The following KMT2A variants were observed in gnomAD, a reference collection of about 807,000 sequenced individuals.
The protein encoded by KMT2A is lysine methyltransferase 2A.
Under a neutral mutation model 345.3 loss-of-function variants are expected in KMT2A, and 16 were observed. The ratio of observed to expected loss-of-function variants is 0.05; its 90% CI spans 0.03 to 0.07. The LOEUF (loss-of-function observed/expected upper bound fraction) is 0.07. KMT2A is among the 10% of genes least tolerant of loss of function. The probability of loss-of-function intolerance (pLI) is 1.00; values close to 1 mark genes in which losing one functional copy is unlikely to be tolerated. For synonymous variants in KMT2A, 1,599 were observed against 1,778.6 expected, an observed-to-expected ratio of 0.90 and a Z score of 2.54; for missense variants, 3,272 against 4,841.6, an observed-to-expected ratio of 0.68 and a Z score of 9.62.
In KMT2A at chr11:118,525,295, G is replaced by A; in HGVS notation, c.*3123G>A. 1 of 228,806 alleles carries A rather than the reference G, an allele frequency of 4.4e-6. No individual in the cohort carries two copies. 14.2% of individuals were successfully genotyped at this position (228,806 alleles called of 1,614,324 possible). ...CTCAGTGAGAGCCAGCTCACTTATA[G>A]CTTTGCTGCTAGAACCTGTTGTGGC... On this transcript the variant is annotated 3_prime_UTR_variant, in exon 36 of 36. Coordinates refer to ENST00000534358, the MANE Select transcript of KMT2A (RefSeq NM_001197104.2).
intron 31 of KMT2A, among the ~76,000 whole-genome samples, chr11:118,518,920 AC>A (rs1181892870): frequency 3.3e-5 from 5 of 151,294 alleles, no homozygotes; most frequent in Non-Finnish European, 4.4e-5. Context: ...TACTAAAAAT[AC>A]GAAAAAAATT....
intron 1 of KMT2A, among the ~76,000 whole-genome samples, chr11:118,443,880 C>T (rs1424567344): frequency 6.6e-6 from 1 of 152,110 alleles, no homozygotes; most frequent in Non-Finnish European, 1.5e-5. Context: ...TATCCATTTT[C>T]TTGCATTTCT....
intron 1 of KMT2A, among the ~76,000 whole-genome samples, chr11:118,454,097 C>G (rs782592821): frequency 6.6e-6 from 1 of 152,194 alleles, no homozygotes; most frequent in Non-Finnish European, 1.5e-5. Flanking sequence ...CTCAGACTCT[C>G]CCATTATAGT....
intron 5 of KMT2A, 148 bp downstream of exon 5, chr11:118,478,349 G>T: frequency 1.6e-6 from 1 of 635,088 alleles, no homozygotes; most frequent in Non-Finnish European, 2.7e-6. Flanking sequence ...TGTGGTGTGG[G>T]CTGTGCTTAA....
chr11:118,496,241 G>A lies in KMT2A; in HGVS notation c.5558-20G>A. 2 of 1,535,702 alleles carry A rather than the reference G, an allele frequency of 1.3e-6. No homozygotes were observed. Among genetic ancestry groups the A allele is most frequent in the East Asian group, 2.2e-5 (1 of 44,450 alleles). On this transcript the variant is annotated intron_variant, in intron 19 of 35. Coordinates refer to ENST00000534358, the MANE Select transcript of KMT2A (RefSeq NM_001197104.2). The surrounding 1 kb of genome is among the most constrained non-coding windows in gnomAD (Gnocchi z 4.7). The stretch of plus-strand genomic sequence containing the variant: ...TTAACTGGATCTCAAGGTATTGATG[G>A]GAGTCTTTTGGATTTCAAGGTACTG...
intron 1 of KMT2A, among the ~76,000 whole-genome samples, chr11:118,442,451 T>C (rs1555026091): frequency 6.6e-6 from 1 of 152,246 alleles, no homozygotes; most frequent in East Asian, 1.9e-4. Context: ...TTACAAAGTA[T>C]TTCCTTGGAT....
intron 1 of KMT2A, among the ~76,000 whole-genome samples, chr11:118,444,350 T>G (rs1949374389): frequency 6.6e-6 from 1 of 152,238 alleles, no homozygotes; most frequent in South Asian, 2.1e-4. Context: ...AACATCTCTT[T>G]AAGCTTAGCT....
In KMT2A at chr11:118,501,789, C is replaced by G; in HGVS notation, c.6437C>G (p.Pro2146Arg). The change falls in exon 26 of 36, where the codon CCC (proline) becomes CGC (arginine). Residue 2146 changes from proline (P) to arginine (R), a missense_variant. Transcript: ENST00000534358. ...SCYYHVISKV[P>R]RIRTPSYSPT... ...TATTATCATGTCATCTCAAAGGTCC[C>G]CAGGATTCGAACACCCAGTTATTCT... 1 of 1,614,108 alleles carries G rather than the reference C, an allele frequency of 6.2e-7. No individual in the cohort carries two copies. The highest frequency in any genetic ancestry group is 8.5e-7 in the Non-Finnish European group (1 of 1,180,006).
Position 118,482,429 on chromosome 11 carries a change from G to A in KMT2A, c.4020G>A (p.Glu1340=). 9.9e-6 allele frequency: 16 copies of A among 1,612,656 alleles called. No homozygotes were observed. Among genetic ancestry groups the A allele is most frequent in the Non-Finnish European group, 1.3e-5 (15 of 1,179,362 alleles). The stretch of plus-strand genomic sequence containing the variant: ...TTATTCTGAATTTTTTAGGTCCAGA[G>A]CAGAGCAAACAGAAAAAAGTGGCTC... ...KQPPPPESGP[E]QSKQKKVAPR... is the part of the protein sequence containing the mutation. Residue 1340 remains glutamate (E), a synonymous_variant, in exon 8 of 36, where the codon GAG becomes GAA. Coordinates refer to ENST00000534358, the MANE Select transcript of KMT2A (RefSeq NM_001197104.2).
At chr11:118,458,440 A>G (rs922598830) in intron 1 of KMT2A, among the ~76,000 whole-genome samples, 8 of 152,178 alleles carry the variant, frequency 5.3e-5, no homozygotes, top group Admixed American at 2.0e-4. Context: ...GAAGTCCCTC[A>G]GTATTTTCTA....
chr11:118,473,764 G>C lies in KMT2A; in HGVS notation c.2605G>C (p.Glu869Gln), dbSNP rs1555036645. The change falls in exon 3 of 36, where the codon GAG becomes CAG. Residue 869 changes from glutamate to glutamine, a missense_variant. Physicochemically the swap from Glu to Gln is conservative, Grantham distance 29. Transcript: ENST00000534358. This position sits in a 1 kb window ranked among gnomAD's most constrained non-coding sequence, Gnocchi z 5.2. ...AGATCGAGATGCTGACAAGAGCGTG[G>C]AGAAGGACAAGAGTAGAGAGAGAGA... ...SKDRDADKSV[E>Q]KDKSRERDRE... 1.2e-6 allele frequency: 2 copies of C among 1,613,994 alleles called. No homozygotes were observed. The highest frequency in any genetic ancestry group is 1.7e-6 in the Non-Finnish European group (2 of 1,179,922).
rs1006276254 is a variant in KMT2A, at chr11:118,496,721, T to C, written c.5664+354T>C. Among the ~76,000 whole-genome samples the C allele has an allele frequency of 5.9e-5, 9 of 152,240 alleles. No individual in the cohort carries two copies. The highest frequency in any genetic ancestry group is 8.8e-5 in the Non-Finnish European group (6 of 68,040). On this transcript the variant is annotated intron_variant, in intron 20 of 35. Coordinates refer to ENST00000534358, the MANE Select transcript of KMT2A (RefSeq NM_001197104.2). The surrounding 1 kb of genome is among the most constrained non-coding windows in gnomAD (Gnocchi z 4.7). ...CATATTAAAAAGCTTGTGTTTCATA[T>C]AGGATAGCAGAATCGTTAAGAGCCC... is the stretch of plus-strand genomic sequence containing the variant.
At chr11:118,452,041 T>C (rs1015215587) in intron 1 of KMT2A, among the ~76,000 whole-genome samples, 1 of 152,128 alleles carries the variant, frequency 6.6e-6, no homozygotes, top group Non-Finnish European at 1.5e-5. Context: ...TGCTTTTTGT[T>C]TTTTTAAGAG....
chr11:118,473,029 C>G lies in KMT2A; in HGVS notation c.1870C>G (p.His624Asp). The G allele has an allele frequency of 6.2e-7, 1 of 1,614,198 alleles. No homozygotes were observed. Among genetic ancestry groups the G allele is most frequent in the South Asian group, 1.1e-5 (1 of 91,086 alleles). The change falls in exon 3 of 36, where the codon CAT (histidine) becomes GAT (aspartate). Residue 624 changes from histidine to aspartate, a missense_variant. By Grantham distance (81) the His-to-Asp change is moderately conservative. Coordinates refer to ENST00000534358, the MANE Select transcript of KMT2A (RefSeq NM_001197104.2). The surrounding 1 kb of genome is among the most constrained non-coding windows in gnomAD (Gnocchi z 5.2). ...EPTFRWTSLK[H>D]SRSEPQYFSS... ...GACATTTAGGTGGACTTCTTTAAAGCATTCTAGGTCAGAGCCACAATACTT... is the reference window on the plus strand; with the variant it reads ...GACATTTAGGTGGACTTCTTTAAAGGATTCTAGGTCAGAGCCACAATACTT...
At chr11:118,458,804 T>A (rs1949693792) in intron 1 of KMT2A, among the ~76,000 whole-genome samples, 1 of 152,222 alleles carries the variant, frequency 6.6e-6, no homozygotes, top group Admixed American at 6.5e-5. Context: ...GAAGTGGTAT[T>A]CTTTTTAAAC....
intron 4 of KMT2A, 37 bp downstream of exon 4, chr11:118,477,019 C>G: frequency 6.2e-7 from 1 of 1,603,832 alleles, no homozygotes; most frequent in Non-Finnish European, 8.5e-7. Context: ...TCGGAACAGA[C>G]TTTTGATTTG....
At position 118,493,026 on chromosome 11, in the gene KMT2A, GA is replaced by G; in HGVS notation, c.5005-30del. ...CATGGACACCTTGGTTTTAGTGTTA[GA>G]TAAAAGCAACATATCTTTCCTGGCA... On this transcript the variant is annotated intron_variant, in intron 15 of 35. Transcript: ENST00000534358. This position sits in a 1 kb window ranked among gnomAD's most constrained non-coding sequence, Gnocchi z 5.8. 6.3e-7 allele frequency: 1 copy of G among 1,594,358 alleles called. No individual in the cohort carries two copies. The highest frequency in any genetic ancestry group is 8.6e-7 in the Non-Finnish European group (1 of 1,166,364).
Position 118,436,509 on chromosome 11 carries a change from G to A in KMT2A, c.-4G>A, listed in dbSNP as rs2134151811. ...CTCTCGCTGCTTCACTTCACGGGGC[G>A]AACATGGCGCACAGCTGTCGGTGGC... On this transcript the variant is annotated 5_prime_UTR_variant, in exon 1 of 36. Transcript: ENST00000534358. The surrounding 1 kb of genome is among the most constrained non-coding windows in gnomAD (Gnocchi z 6.9). The A allele has an allele frequency of 7.9e-7, 1 of 1,263,358 alleles. No individual in the cohort carries two copies. 78.3% of individuals were successfully genotyped at this position (1,263,358 alleles called of 1,614,324 possible). A position where few individuals can be genotyped will look rare whatever the true frequency, so the allele number is the denominator to read the frequency against.
intron 10 of KMT2A, among the ~76,000 whole-genome samples, chr11:118,486,140 T>C (rs1950225908): frequency 6.6e-6 from 1 of 152,110 alleles, no homozygotes; most frequent in Non-Finnish European, 1.5e-5. Flanking sequence ...CTAAAGATAA[T>C]ATATATTAAT....
Sources: gnomAD v4.1 joint callset for allele counts (sites outside exome capture counted in the v4.1 genomes callset) on GRCh38, gnomAD v4.1.1 for gene constraint, Gnocchi (gnomAD v3.1) non-coding constraint, MANE v1.5 for transcripts, NCBI Gene and HGNC (gene_info 2026-07-23, HGNC 2026-07-21) for gene names.